Variants in CTNNA3 observed in about 807,000 individuals in gnomAD.
CTNNA3 encodes the protein catenin alpha-3.
Under a neutral mutation model 95.7 loss-of-function variants are expected in CTNNA3, and 76 were observed. The observed-to-expected ratio is 0.79, with a 90% CI of 0.66 to 0.96. The LOEUF (loss-of-function observed/expected upper bound fraction) is 0.96, where lower values mean the gene tolerates loss of function less well. CTNNA3 is among the 40% of genes least tolerant of loss of function. The pLI is 0.00. For missense variants in CTNNA3, 1,191 were observed against 1,089.8 expected (o/e 1.09, Z -1.31); for synonymous variants, 431 against 374.4 (o/e 1.15, Z -1.74).
At chr10:66,500,148 A>G (rs1025038446) in intron 11 of CTNNA3, among the ~76,000 whole-genome samples, 41 of 152,142 alleles carry the variant, frequency 2.7e-4, no homozygotes, top group African/African-American at 9.9e-4. Flanking sequence ...CCACAAACAA[A>G]AGTAAAAAAC....
intron 7 of CTNNA3, among the ~76,000 whole-genome samples, chr10:66,819,778 A>G (rs1179129549): frequency 1.3e-5 from 2 of 152,186 alleles, no homozygotes; most frequent in African/African-American, 4.8e-5. Context: ...GAAAACCACA[A>G]TGACATATCA....
chr10:66,338,881 C>G (rs774953719), intron 12 of CTNNA3, among the ~76,000 whole-genome samples: 1 of 151,688 alleles, frequency 6.6e-6, no homozygotes, highest in African/African-American at 2.4e-5. Context: ...GAAAATGTTA[C>G]GCATGAAATA....
chr10:67,746,866 AG>A (rs1841377260), intron 1 of CTNNA3, among the ~76,000 whole-genome samples: 1 of 152,310 alleles, frequency 6.6e-6, no homozygotes, highest in Admixed American at 6.5e-5. Flanking sequence ...ACTCTGGGGA[AG>A]TGGTGGGGGC....
chr10:66,543,217 C>A (rs1463263525), intron 10 of CTNNA3, among the ~76,000 whole-genome samples: 1 of 151,974 alleles, frequency 6.6e-6, no homozygotes, highest in Non-Finnish European at 1.5e-5. Context: ...CTCAGCCTCC[C>A]GAGTAGCTGG....
chr10:65,927,168 T>A (rs1200902634), intron 17 of CTNNA3, among the ~76,000 whole-genome samples: 2 of 152,208 alleles, frequency 1.3e-5, no homozygotes, highest in African/African-American at 2.4e-5. Flanking sequence ...ATGTTTTCAC[T>A]GATTTTTTAG....
Position 67,567,228 on chromosome 10 carries a change from C to T in CTNNA3, c.293-27559G>A, listed in dbSNP as rs12258357. 1.2e-3 allele frequency among the ~76,000 whole-genome samples: 179 copies of T among 144,022 alleles called. 1 individual carries two copies. The Middle Eastern group carries it at 0.018, about 15-fold the overall frequency. 94.5% of individuals were successfully genotyped at this position (144,022 alleles called of 152,430 possible). The stretch of plus-strand genomic sequence containing the variant: ...CAACTATATTTCCAATAAAACAAGA[C>T]AATAAAAATAAGAAATGAGAAAATG... On this transcript the variant is annotated intron_variant, in intron 3 of 17. Transcript: ENST00000433211.
intron 15 of CTNNA3, among the ~76,000 whole-genome samples, chr10:66,020,056 T>C (rs1178139582): frequency 6.6e-6 from 1 of 152,216 alleles, no homozygotes; most frequent in African/African-American, 2.4e-5. Context: ...AAACTTATTC[T>C]TTCCTTCATC....
intron 5 of CTNNA3, among the ~76,000 whole-genome samples, chr10:67,290,076 G>T (rs1172126495): frequency 6.6e-6 from 1 of 152,090 alleles, no homozygotes; most frequent in Admixed American, 6.5e-5. Flanking sequence ...AAAGTACTGG[G>T]ATTACAGATG....
At position 67,302,069 on chromosome 10, in the gene CTNNA3, AAGAAAGAAAG is replaced by A. The variant is rs1284573689; in HGVS notation, c.580-82209_580-82200del. Among the ~76,000 whole-genome samples, 3 of 130,034 alleles carry A rather than the reference AAGAAAGAAAG, an allele frequency of 2.3e-5. 1 individual carries two copies. The highest frequency in any genetic ancestry group is 9.0e-5 in the African/African-American group (3 of 33,168). 85.3% of individuals were successfully genotyped at this position (130,034 alleles called of 152,430 possible). A position where few individuals can be genotyped will look rare whatever the true frequency, so the allele number is the denominator to read the frequency against. On this transcript the variant is annotated intron_variant, in intron 5 of 17. Coordinates refer to ENST00000433211, the MANE Select transcript of CTNNA3 (RefSeq NM_013266.4). Reference sequence around the variant, plus strand: ...AAAGAAAGAAAGAAAGAAAGAAAGAAAGAAAGAAAGAAAGAAAGAAAGAAAGAAAATCCTT... The same window carrying A: ...AAAGAAAGAAAGAAAGAAAGAAAGAAAAAGAAAGAAAGAAAGAAAATCCTT...
intron 10 of CTNNA3, among the ~76,000 whole-genome samples, chr10:66,534,491 T>C (rs201612249): frequency 0.013 from 1,852 of 143,896 alleles, 47 homozygotes; most frequent in East Asian, 0.1. Flanking sequence ...TATATATATA[T>C]ATATATATAT....
intron 13 of CTNNA3, among the ~76,000 whole-genome samples, chr10:66,180,426 G>A (rs532130363): frequency 6.6e-6 from 1 of 152,258 alleles, no homozygotes; most frequent in Admixed American, 6.5e-5. Context: ...GGAGGGAAGA[G>A]TTTTGTAGCT....
In CTNNA3 at chr10:67,085,356, A is replaced by T. The variant is rs967162602; in HGVS notation, c.1047+94961T>A. The stretch of plus-strand genomic sequence containing the variant: ...ATCCTATGAAATAAAGTAAGAAAAA[A>T]TGAACCCTAATTTGTAAATGCTAGA... On this transcript the variant is annotated intron_variant, in intron 7 of 17. Transcript: ENST00000433211. Among the ~76,000 whole-genome samples, 5 of 152,002 alleles carry T rather than the reference A, an allele frequency of 3.3e-5. 1 individual carries two copies. The highest frequency in any genetic ancestry group is 1.2e-4 in the African/African-American group (5 of 41,542).
At chr10:66,972,314 T>C (rs774054197) in intron 7 of CTNNA3, among the ~76,000 whole-genome samples, 10 of 152,142 alleles carry the variant, frequency 6.6e-5, no homozygotes, top group Non-Finnish European at 1.5e-4. Context: ...ATACTATATA[T>C]AGCATCAAAG....
intron 7 of CTNNA3, among the ~76,000 whole-genome samples, chr10:67,123,649 G>A (rs1221398524): frequency 6.6e-6 from 1 of 152,088 alleles, no homozygotes; most frequent in African/African-American, 2.4e-5. Flanking sequence ...ATTGCAAAAT[G>A]TTCAATTATA....
chr10:67,397,212 G>C (rs1309794267), intron 5 of CTNNA3, among the ~76,000 whole-genome samples: 1 of 152,158 alleles, frequency 6.6e-6, no homozygotes, highest in Non-Finnish European at 1.5e-5. Flanking sequence ...TAGAGACTAG[G>C]AGAGCTCAGA....
At chr10:67,038,021 G>A (rs1038595608) in intron 7 of CTNNA3, among the ~76,000 whole-genome samples, 9 of 152,050 alleles carry the variant, frequency 5.9e-5, no homozygotes, top group Admixed American at 5.2e-4. Context: ...TAGGAGACGA[G>A]AGATTTTACA....
intron 5 of CTNNA3, among the ~76,000 whole-genome samples, chr10:67,502,158 G>A (rs904763330): frequency 1.3e-5 from 2 of 152,084 alleles, no homozygotes; most frequent in Non-Finnish European, 2.9e-5. Flanking sequence ...TTTTTGTGTG[G>A]ATGTCCTTTT....
At chr10:67,661,785 G>A (rs886690115) in intron 1 of CTNNA3, among the ~76,000 whole-genome samples, 7 of 152,116 alleles carry the variant, frequency 4.6e-5, no homozygotes, top group African/African-American at 1.4e-4. Flanking sequence ...CATGAAAAAT[G>A]TTCAACATCA....
At chr10:65,995,935 G>T (rs7088762) in intron 15 of CTNNA3, among the ~76,000 whole-genome samples, 13,945 of 152,146 alleles carry the variant, frequency 0.092, 816 homozygotes, top group East Asian at 0.29. Context: ...CTCCTCCATT[G>T]TGCACACAGG....
Sources: allele counts gnomAD v4.1 joint callset (sites outside exome capture counted in the v4.1 genomes callset), GRCh38; gene constraint gnomAD v4.1.1; transcripts MANE v1.5; gene names NCBI Gene and HGNC (gene_info 2026-07-23, HGNC 2026-07-21).